The following STARD13 variants were observed in gnomAD, a reference collection of about 807,000 sequenced individuals.
STARD13 encodes StAR related lipid transfer domain containing 13.
In STARD13, 62 loss-of-function variants were observed where a neutral mutation model predicts 106.4. The ratio of observed to expected loss-of-function variants is 0.58; its 90% CI spans 0.48 to 0.72. STARD13 has a LOEUF of 0.72. Among genes scored for constraint, STARD13 ranks in the 30% least tolerant of loss-of-function variants. The probability of loss-of-function intolerance (pLI) is 0.00; values close to 1 mark genes in which losing one functional copy is unlikely to be tolerated. For missense variants in STARD13, 1,387 were observed against 1,424.0 expected (o/e 0.97, Z 0.42); for synonymous variants, 565 against 553.0 (o/e 1.02, Z -0.31).
the STARD13 span, among the ~76,000 whole-genome samples, chr13:33,618,271 C>G: frequency 6.6e-6 from 1 of 152,116 alleles, no homozygotes; most frequent in East Asian, 1.9e-4. Context: ...ACTCTAACAA[C>G]AAACATTTAT....
the STARD13 span, among the ~76,000 whole-genome samples, chr13:33,628,874 A>G: frequency 4.6e-5 from 7 of 152,338 alleles, no homozygotes; most frequent in Admixed American, 3.9e-4. Context: ...CCTGAGTTTC[A>G]TTCTCTGTCA....
the STARD13 span, among the ~76,000 whole-genome samples, chr13:33,429,501 G>C: frequency 6.6e-6 from 1 of 151,168 alleles, no homozygotes; most frequent in Non-Finnish European, 1.5e-5. Flanking sequence ...TCCAGCCTGG[G>C]TGACAGAGCG....
At chr13:33,480,252 C>T in the STARD13 span, among the ~76,000 whole-genome samples, 1 of 152,066 alleles carries the variant, frequency 6.6e-6, no homozygotes, top group African/African-American at 2.4e-5. Flanking sequence ...GAAGCTAGGA[C>T]TCATTTTGTA....
chr13:33,166,574 C>T (rs1883336810), intron 2 of STARD13, among the ~76,000 whole-genome samples: 1 of 152,260 alleles, frequency 6.6e-6, no homozygotes, highest in Middle Eastern at 3.4e-3. Flanking sequence ...CTTGAGCCTG[C>T]CACCTGCTCA....
the STARD13 span, among the ~76,000 whole-genome samples, chr13:33,586,736 A>ATC: frequency 2.1e-5 from 3 of 141,560 alleles, no homozygotes; most frequent in Non-Finnish European, 4.5e-5. Flanking sequence ...ATGAGGGGTG[A>ATC]TCACAGCAAG....
the STARD13 span, among the ~76,000 whole-genome samples, chr13:33,589,186 C>A: frequency 2.0e-5 from 3 of 152,086 alleles, no homozygotes; most frequent in Non-Finnish European, 4.4e-5. Context: ...ATTCTTCTCT[C>A]TTTTCTTCTT....
chr13:33,246,909 T>C (rs1486378347), intron 1 of STARD13, among the ~76,000 whole-genome samples: 1 of 152,122 alleles, frequency 6.6e-6, no homozygotes, highest in East Asian at 1.9e-4. Context: ...TTTAAAGGAA[T>C]GGCTGGGCTG....
At chr13:33,614,092 A>AATTAAAGCAG in the STARD13 span, among the ~76,000 whole-genome samples, 1 of 152,154 alleles carries the variant, frequency 6.6e-6, no homozygotes, top group Non-Finnish European at 1.5e-5. Context: ...AATGTTTTAA[A>AATTAAAGCAG]ATTAAAGCAG....
intron 3 of STARD13, among the ~76,000 whole-genome samples, chr13:33,153,620 A>G (rs1881582180): frequency 6.6e-6 from 1 of 152,202 alleles, no homozygotes; most frequent in African/African-American, 2.4e-5. Context: ...CTACAGATGT[A>G]TAGGAAAACA....
the STARD13 span, among the ~76,000 whole-genome samples, chr13:33,499,599 T>C: frequency 2.9e-5 from 2 of 67,938 alleles, no homozygotes; most frequent in African/African-American, 5.9e-5. Flanking sequence ...TTCTTCTTCT[T>C]CTTCTTTCTT....
the STARD13 span, among the ~76,000 whole-genome samples, chr13:33,599,048 TA>T: frequency 4.3e-3 from 650 of 152,210 alleles, 1 homozygote; most frequent in African/African-American, 0.015. Context: ...AGTTTCAATT[TA>T]AAAAAAATTC....
At position 33,110,080 on chromosome 13, in the gene STARD13, C is replaced by T. The variant is rs758131869; in HGVS notation, c.2840G>A (p.Gly947Glu). The change falls in exon 12 of 14, where the codon GGG (glycine) becomes GAG (glutamate). Residue 947 changes from glycine (G) to glutamate (E), a missense_variant. By Grantham distance (98) the Gly-to-Glu change is moderately conservative. Transcript: ENST00000336934. ...TDLAFKKVGD[G>E]NPLKLWKASV... ...AGCCTTCCACAGCTTCAGCGGGTTC[C>T]CGTCGCCCACCTTGGGAAAGACAAC... The T allele has an allele frequency of 1.2e-6, 2 of 1,614,118 alleles. No homozygotes were observed. Among genetic ancestry groups the T allele is most frequent in the Middle Eastern group, 1.7e-4 (1 of 6,060 alleles).
At chr13:33,259,563 AAG>A (rs2138317161) in intron 1 of STARD13, among the ~76,000 whole-genome samples, 1 of 152,296 alleles carries the variant, frequency 6.6e-6, no homozygotes, top group African/African-American at 2.4e-5. Context: ...TTGTCATGCA[AAG>A]AGAGCACTGA....
chr13:33,354,139 T>A (rs1440118535), upstream of STARD13, among the ~76,000 whole-genome samples: 5 of 152,132 alleles, frequency 3.3e-5, no homozygotes, highest in Non-Finnish European at 7.4e-5. Flanking sequence ...CCTCCATACA[T>A]CCTATGCTGC....
chr13:33,259,816 G>C (rs558666226), intron 1 of STARD13, among the ~76,000 whole-genome samples: 1 of 151,942 alleles, frequency 6.6e-6, no homozygotes, highest in African/African-American at 2.4e-5. Flanking sequence ...TGGTTTGGCT[G>C]TATCCCTACC....
intron 1 of STARD13, among the ~76,000 whole-genome samples, chr13:33,216,857 T>A (rs1313622194): frequency 1.3e-5 from 2 of 152,152 alleles, no homozygotes; most frequent in Non-Finnish European, 2.9e-5. Flanking sequence ...AGCTAAGGAA[T>A]CTGAGAGTGG....
At chr13:33,488,274 G>C in the STARD13 span, among the ~76,000 whole-genome samples, 1 of 152,170 alleles carries the variant, frequency 6.6e-6, no homozygotes, top group South Asian at 2.1e-4. Context: ...GGCCACCTTA[G>C]AGGTCTACCA....
At chr13:33,201,078 A>G (rs1008203557) in intron 1 of STARD13, among the ~76,000 whole-genome samples, 1 of 151,416 alleles carries the variant, frequency 6.6e-6, no homozygotes, top group Non-Finnish European at 1.5e-5. Flanking sequence ...AATAAAAATA[A>G]AAAAATAAAA....
chr13:33,157,561 T>C (rs1169337632), intron 3 of STARD13, among the ~76,000 whole-genome samples: 1 of 152,054 alleles, frequency 6.6e-6, no homozygotes, highest in East Asian at 1.9e-4. Context: ...TCCCAGATAG[T>C]TGGGAGGCTG....
Sources: allele counts gnomAD v4.1 joint callset (sites outside exome capture counted in the v4.1 genomes callset), GRCh38; gene constraint gnomAD v4.1.1; transcripts MANE v1.5; gene names NCBI Gene and HGNC (gene_info 2026-07-23, HGNC 2026-07-21).